ROBO2: variants seen among roughly 807,000 people sequenced by gnomAD.
The protein encoded by ROBO2 is roundabout guidance receptor 2, also known as roundabout homolog 2.
A neutral mutation model predicts 160.8 loss-of-function variants in ROBO2; 53 were observed. The observed-to-expected ratio is 0.33, with a 90% CI of 0.26 to 0.41. ROBO2 has a LOEUF of 0.41. Among genes scored for constraint, ROBO2 ranks in the 10% least tolerant of loss-of-function variants. The pLI is 1.00. For missense variants in ROBO2, 1,577 were observed against 1,722.4 expected, an observed-to-expected ratio of 0.92 and a Z score of 1.49; for synonymous variants, 664 against 611.7, an observed-to-expected ratio of 1.09 and a Z score of -1.26.
Position 77,308,865 on chromosome 3 carries a change from A to G in ROBO2, c.389-168549A>G, listed in dbSNP as rs1292200142. On this transcript the variant is annotated intron_variant, in intron 2 of 25. Coordinates refer to ENST00000461745, the Ensembl canonical transcript of ROBO2. Reference sequence around the variant, plus strand: ...AATAACTGACTATATAGATACATGTATAGAAAATGGTTGATCTGGGATTTA... The same window carrying G: ...AATAACTGACTATATAGATACATGTGTAGAAAATGGTTGATCTGGGATTTA... Among the ~76,000 whole-genome samples, 3 of 152,324 alleles carry G rather than the reference A, an allele frequency of 2.0e-5. No individual in the cohort carries two copies. The East Asian group carries it at 5.8e-4, about 29-fold the overall frequency.
chr3:76,214,922 G>A (rs193248826), intron 2 of ROBO2, among the ~76,000 whole-genome samples: 236 of 152,234 alleles, frequency 1.6e-3, no homozygotes, highest in African/African-American at 3.2e-3. Context: ...CAGTATGGGC[G>A]GACTGACACC....
At chr3:76,430,042 C>A (rs1308511301) in intron 2 of ROBO2, among the ~76,000 whole-genome samples, 1 of 152,104 alleles carries the variant, frequency 6.6e-6, no homozygotes, top group African/African-American at 2.4e-5. Flanking sequence ...ACCAATAGCA[C>A]CTGATTAGGG....
intron 2 of ROBO2, among the ~76,000 whole-genome samples, chr3:76,875,303 C>A (rs1342547122): frequency 6.6e-6 from 1 of 152,184 alleles, no homozygotes; most frequent in East Asian, 1.9e-4. Flanking sequence ...AAATACGTTT[C>A]TGTTCTTTGT....
intron 2 of ROBO2, among the ~76,000 whole-genome samples, chr3:76,848,831 C>T (rs894559895): frequency 2.0e-5 from 3 of 152,140 alleles, no homozygotes; most frequent in Non-Finnish European, 4.4e-5. Flanking sequence ...GGTTAAATTT[C>T]AACATACGAA....
chr3:76,520,489 C>T (rs1245287108), intron 2 of ROBO2, among the ~76,000 whole-genome samples: 5 of 152,102 alleles, frequency 3.3e-5, no homozygotes, highest in Non-Finnish European at 5.9e-5. Flanking sequence ...AGTAGTATAG[C>T]ATCCTATAAA....
At chr3:77,473,130 TC>T (rs975720317) in intron 2 of ROBO2, among the ~76,000 whole-genome samples, 3 of 152,018 alleles carry the variant, frequency 2.0e-5, no homozygotes, top group Non-Finnish European at 4.4e-5. Context: ...GGTGTCTGAT[TC>T]CCACAGGGTT....
At chr3:77,042,154 T>C (rs1421103438) in intron 1 of ROBO2, among the ~76,000 whole-genome samples, 3 of 152,216 alleles carry the variant, frequency 2.0e-5, no homozygotes, top group Non-Finnish European at 2.9e-5. Flanking sequence ...CCCCCAGCGA[T>C]AGTGAGGGAG....
intron 2 of ROBO2, chr3:76,435,003 G>A (rs2076604596): frequency 6.6e-7 from 1 of 1,518,634 alleles, no homozygotes; most frequent in Admixed American, 1.7e-5. Context: ...GGAAAATCAG[G>A]AAAATGTTTC....
chr3:76,950,213 C>T (rs1003609457), intron 2 of ROBO2, among the ~76,000 whole-genome samples: 28 of 152,108 alleles, frequency 1.8e-4, no homozygotes, highest in African/African-American at 6.0e-4. Context: ...ATTTGTTCTA[C>T]GGTGTTCAGT....
chr3:77,040,482 A>C, exon 1 of ROBO2: 1 of 1,222,184 alleles, frequency 8.2e-7, no homozygotes, highest in Non-Finnish European at 1.0e-6. Context: ...CTAAGGAGAG[A>C]GGGTTAGACA....
At chr3:76,732,829 A>G (rs1291614906) in intron 2 of ROBO2, among the ~76,000 whole-genome samples, 1 of 152,130 alleles carries the variant, frequency 6.6e-6, no homozygotes, top group Non-Finnish European at 1.5e-5. Flanking sequence ...GCCAATAAAT[A>G]TCTTTTGCTT....
rs547570558 is a variant in ROBO2, at chr3:76,581,663, G to A, written c.110-516351G>A. On this transcript the variant is annotated intron_variant, in intron 2 of 26. Coordinates refer to the ROBO2 transcript ENST00000487694. ...AAAAATTCATCATGGTAGCCATGGC[G>A]GTAATGGAGAAGAAAAGATACTGTT... 2.0e-5 allele frequency among the ~76,000 whole-genome samples: 3 copies of A among 152,108 alleles called. No individual in the cohort carries two copies. In the East Asian group the frequency reaches 5.8e-4, roughly 30 times the overall value.
At chr3:76,009,917 A>C (rs672094) in intron 2 of ROBO2, among the ~76,000 whole-genome samples, 120,186 of 152,184 alleles carry the variant, frequency 0.79, 48,179 homozygotes, top group East Asian at 0.96. Flanking sequence ...AACTTAATTG[A>C]TGAAAAGCTT....
At chr3:77,390,359 GA>G (rs1224848407) in intron 2 of ROBO2, among the ~76,000 whole-genome samples, 3 of 152,106 alleles carry the variant, frequency 2.0e-5, no homozygotes, top group African/African-American at 7.2e-5. Flanking sequence ...ATCTCATCTT[GA>G]ACTGTAGCTT....
exon 13 of ROBO2, chr3:77,568,428 A>G: frequency 2.5e-6 from 4 of 1,612,830 alleles, no homozygotes; most frequent in African/African-American, 1.3e-5. Context: ...TTCAGGTCAC[A>G]TGGACGGTAA....
At chr3:77,380,498 G>A (rs1218493680) in intron 2 of ROBO2, among the ~76,000 whole-genome samples, 1 of 152,116 alleles carries the variant, frequency 6.6e-6, no homozygotes, top group Non-Finnish European at 1.5e-5. Flanking sequence ...AACTATCAAA[G>A]GAGAAGAATG....
intron 2 of ROBO2, among the ~76,000 whole-genome samples, chr3:76,479,720 G>T (rs564839505): frequency 6.6e-6 from 1 of 152,272 alleles, no homozygotes; most frequent in South Asian, 2.1e-4. Context: ...CTTCAGATTT[G>T]AAAATTATCT....
intron 2 of ROBO2, among the ~76,000 whole-genome samples, chr3:76,791,694 C>T (rs2063363689): frequency 6.6e-6 from 1 of 151,740 alleles, no homozygotes; most frequent in East Asian, 2.0e-4. Flanking sequence ...CTCCCAAATT[C>T]TGGATCTTCA....
At chr3:77,287,303 TTA>T (rs1491200180) in intron 2 of ROBO2, among the ~76,000 whole-genome samples, 19 of 133,758 alleles carry the variant, frequency 1.4e-4, no homozygotes, top group South Asian at 4.8e-4. Flanking sequence ...AAATTGATAG[TTA>T]TTTTTTTTTA....
Sources: allele counts gnomAD v4.1 joint callset (sites outside exome capture counted in the v4.1 genomes callset), GRCh38; gene constraint gnomAD v4.1.1; transcripts MANE v1.5; gene names NCBI Gene and HGNC (gene_info 2026-07-23, HGNC 2026-07-21).